ACBD6: variants seen among roughly 807,000 people sequenced by gnomAD.
ACBD6 encodes the protein acyl-CoA-binding domain-containing protein 6.
ACBD6 carries 28 observed loss-of-function variants against 37.2 expected under a neutral mutation model. That is an observed-to-expected ratio of 0.75 (90% CI 0.56 to 1.03). ACBD6 has a LOEUF of 1.03. Ranked by LOEUF, ACBD6 falls within the 50% of genes least tolerant of loss-of-function variation. The probability of loss-of-function intolerance (pLI) is 0.00; values close to 1 mark genes in which losing one functional copy is unlikely to be tolerated. For synonymous variants in ACBD6, 113 were observed against 126.8 expected, an observed-to-expected ratio of 0.89 and a Z score of 0.73; for missense variants, 340 against 337.4, an observed-to-expected ratio of 1.01 and a Z score of -0.06.
intron 7 of ACBD6, among the ~76,000 whole-genome samples, chr1:180,300,422 T>G (rs1454014921): frequency 6.6e-6 from 1 of 152,144 alleles, no homozygotes; most frequent in Non-Finnish European, 1.5e-5. Flanking sequence ...AAGACTGTTT[T>G]GACTACCTTA....
At chr1:180,359,351 A>AT (rs894812137) in intron 6 of ACBD6, among the ~76,000 whole-genome samples, 5 of 151,992 alleles carry the variant, frequency 3.3e-5, no homozygotes, top group South Asian at 2.1e-4. Context: ...AGTGAGATGG[A>AT]TTTTTTTTGG....
chr1:180,374,899 A>G (rs767286909), intron 6 of ACBD6, among the ~76,000 whole-genome samples: 1 of 152,182 alleles, frequency 6.6e-6, no homozygotes, highest in South Asian at 2.1e-4. Flanking sequence ...TAAGAATTTA[A>G]TAAGAAATGT....
intron 3 of ACBD6, among the ~76,000 whole-genome samples, chr1:180,491,406 T>C (rs544550797): frequency 1.4e-4 from 22 of 152,322 alleles, no homozygotes; most frequent in South Asian, 8.3e-4. Flanking sequence ...CCAATAAGTA[T>C]ATGAGAAAAA....
intron 3 of ACBD6, among the ~76,000 whole-genome samples, chr1:180,456,594 G>GA (rs1649933745): frequency 6.6e-6 from 1 of 152,320 alleles, no homozygotes; most frequent in East Asian, 1.9e-4. Context: ...TTTCTTTGAT[G>GA]AGAGACTGAT....
intron 3 of ACBD6, among the ~76,000 whole-genome samples, chr1:180,446,982 A>T (rs1354378599): frequency 6.6e-6 from 1 of 152,164 alleles, no homozygotes; most frequent in African/African-American, 2.4e-5. Flanking sequence ...GAGAGGTTGT[A>T]GTGAGCTGAG....
intron 3 of ACBD6, among the ~76,000 whole-genome samples, chr1:180,477,595 A>G (rs1375446460): frequency 6.6e-6 from 1 of 152,220 alleles, no homozygotes; most frequent in Non-Finnish European, 1.5e-5. Flanking sequence ...CAGTAGAAAA[A>G]ATAATCTCCT....
intron 3 of ACBD6, among the ~76,000 whole-genome samples, chr1:180,468,095 C>T (rs1393950844): frequency 6.6e-6 from 1 of 152,100 alleles, no homozygotes; most frequent in Admixed American, 6.5e-5. Flanking sequence ...TGACCTAGGT[C>T]ACATAGGATC....
At chr1:180,370,231 G>T (rs1653204727) in intron 6 of ACBD6, among the ~76,000 whole-genome samples, 1 of 152,144 alleles carries the variant, frequency 6.6e-6, no homozygotes, top group African/African-American at 2.4e-5. Context: ...GGGTTTAAAG[G>T]GAGGTTGTAG....
intron 3 of ACBD6, among the ~76,000 whole-genome samples, chr1:180,450,764 AAAAC>A (rs1436214187): frequency 6.6e-6 from 1 of 152,170 alleles, no homozygotes; most frequent in Non-Finnish European, 1.5e-5. Flanking sequence ...TCAAAAAAAC[AAAAC>A]AAACAAACAA....
chr1:180,365,936 C>A (rs1323878359), intron 6 of ACBD6, among the ~76,000 whole-genome samples: 2 of 152,096 alleles, frequency 1.3e-5, no homozygotes, highest in African/African-American at 4.8e-5. Context: ...TTGACCATTT[C>A]TAGAACTTAC....
At chr1:180,297,050 A>C (rs1649946268) in intron 7 of ACBD6, among the ~76,000 whole-genome samples, 1 of 152,034 alleles carries the variant, frequency 6.6e-6, no homozygotes. Context: ...TCTACATCTT[A>C]ATAGTGGAAG....
At chr1:180,289,230 G>A (rs142495916) in intron 7 of ACBD6, among the ~76,000 whole-genome samples, 44 of 152,256 alleles carry the variant, frequency 2.9e-4, no homozygotes, top group African/African-American at 1.0e-3. Context: ...CTTAATTCAT[G>A]ACAAAGCTGG....
chr1:180,430,775 G>GA (rs1196311931), intron 3 of ACBD6, among the ~76,000 whole-genome samples: 1 of 149,500 alleles, frequency 6.7e-6, no homozygotes, highest in Non-Finnish European at 1.5e-5. Flanking sequence ...TCAAATAAAA[G>GA]AAAAAAGAAG....
chr1:180,458,116 T>C (rs1364818501), intron 3 of ACBD6, among the ~76,000 whole-genome samples: 1 of 152,168 alleles, frequency 6.6e-6, no homozygotes, highest in Non-Finnish European at 1.5e-5. Context: ...TTTTTACCAA[T>C]GTTGATAGTA....
downstream of ACBD6, among the ~76,000 whole-genome samples, chr1:180,284,081 G>A (rs1207062423): frequency 6.6e-6 from 1 of 152,154 alleles, no homozygotes; most frequent in Non-Finnish European, 1.5e-5. Flanking sequence ...AGTGAATAAA[G>A]ATTAGGTTAA....
chr1:180,325,208 C>T (rs533322960), intron 6 of ACBD6, among the ~76,000 whole-genome samples: 19 of 152,222 alleles, frequency 1.2e-4, no homozygotes, highest in Non-Finnish European at 2.2e-4. Context: ...TCTCGATCTC[C>T]TCCTTAAGGC....
intron 3 of ACBD6, among the ~76,000 whole-genome samples, chr1:180,489,119 T>C (rs754724785): frequency 1.2e-4 from 19 of 152,180 alleles, no homozygotes; most frequent in Middle Eastern, 3.4e-3. Flanking sequence ...TAAGCTGAGA[T>C]TGTGCCACTG....
At chr1:180,478,491 CTT>C (rs761173473) in intron 3 of ACBD6, among the ~76,000 whole-genome samples, 20,127 of 144,938 alleles carry the variant, frequency 0.14, 1,514 homozygotes, top group Non-Finnish European at 0.2. Context: ...ATAAATCTCT[CTT>C]TTTTTTTTTT....
chr1:180,364,133 T>C (rs1414878717), intron 6 of ACBD6, among the ~76,000 whole-genome samples: 1 of 152,210 alleles, frequency 6.6e-6, no homozygotes, highest in Non-Finnish European at 1.5e-5. Context: ...CTCTATAACT[T>C]GTCTGGCTAA....
Sources: allele counts gnomAD v4.1 joint callset (sites outside exome capture counted in the v4.1 genomes callset), GRCh38; gene constraint gnomAD v4.1.1; transcripts MANE v1.5; gene names NCBI Gene and HGNC (gene_info 2026-07-23, HGNC 2026-07-21).